The following HIVEP3 variants were observed in gnomAD, a reference collection of about 807,000 sequenced individuals.
HIVEP3 encodes the protein transcription factor HIVEP3.
In HIVEP3, 49 loss-of-function variants were observed where a neutral mutation model predicts 152.8. The observed-to-expected ratio is 0.32, with a 90% CI of 0.26 to 0.41. The LOEUF is 0.41. Ranked by LOEUF, HIVEP3 falls within the 10% of genes least tolerant of loss-of-function variation. HIVEP3 has a pLI of 1.00. For synonymous variants in HIVEP3, 1,269 were observed against 1,289.0 expected (o/e 0.98, Z 0.33); for missense variants, 2,790 against 3,103.3 (o/e 0.90, Z 2.40).
chr1:41,544,750 CCACCACCATCACCACCACT>C (rs1643642705), intron 5 of HIVEP3, among the ~76,000 whole-genome samples: 1 of 142,898 alleles, frequency 7.0e-6, no homozygotes, highest in African/African-American at 2.9e-5. Context: ...ACCACCACTA[CCACCACCATCACCACCACT>C]ACCACTACCT....
At chr1:41,759,563 T>C (rs902173912) in intron 1 of HIVEP3, among the ~76,000 whole-genome samples, 2 of 151,972 alleles carry the variant, frequency 1.3e-5, no homozygotes, top group Non-Finnish European at 2.9e-5. Context: ...GACCTAGGAG[T>C]GGAATTGCTG....
At chr1:41,631,738 C>T (rs1410909917) in intron 2 of HIVEP3, among the ~76,000 whole-genome samples, 1 of 152,140 alleles carries the variant, frequency 6.6e-6, no homozygotes, top group African/African-American at 2.4e-5. Context: ...GCCGTCCGAA[C>T]CAGCCCAATT....
At chr1:41,601,714 A>G (rs1644750298) in intron 3 of HIVEP3, among the ~76,000 whole-genome samples, 1 of 152,096 alleles carries the variant, frequency 6.6e-6, no homozygotes, top group African/African-American at 2.4e-5. Flanking sequence ...TTTCTGATTT[A>G]AATGTCTTTA....
chr1:41,995,896 A>T (rs1570878656), intron 1 of HIVEP3, among the ~76,000 whole-genome samples: 1 of 152,142 alleles, frequency 6.6e-6, no homozygotes, highest in East Asian at 1.9e-4. Flanking sequence ...GCCAAACCAC[A>T]CTTGCCTCTA....
intron 1 of HIVEP3, among the ~76,000 whole-genome samples, chr1:41,830,671 C>T (rs964858099): frequency 1.3e-5 from 2 of 152,222 alleles, no homozygotes; most frequent in Non-Finnish European, 2.9e-5. Context: ...GCCATTTCAG[C>T]TCCAGAACTC....
intron 1 of HIVEP3, among the ~76,000 whole-genome samples, chr1:41,730,523 C>A (rs576909491): frequency 1.4e-4 from 22 of 152,364 alleles, no homozygotes; most frequent in African/African-American, 5.3e-4. Flanking sequence ...CCAGGCCTGG[C>A]AATGCTGGGG....
intron 1 of HIVEP3, among the ~76,000 whole-genome samples, chr1:41,865,105 A>G (rs947815591): frequency 2.0e-5 from 3 of 152,180 alleles, no homozygotes; most frequent in African/African-American, 7.2e-5. Context: ...CATCTTCTCA[A>G]TGTAGACACT....
intron 1 of HIVEP3, among the ~76,000 whole-genome samples, chr1:41,949,072 G>A (rs1056266546): frequency 6.6e-6 from 1 of 152,144 alleles, no homozygotes; most frequent in African/African-American, 2.4e-5. Context: ...CATCAGGTGG[G>A]TAACTCCTCC....
intron 1 of HIVEP3, among the ~76,000 whole-genome samples, chr1:41,905,411 T>C (rs888248266): frequency 6.6e-6 from 1 of 152,184 alleles, no homozygotes; most frequent in East Asian, 1.9e-4. Flanking sequence ...ATGGAGACAG[T>C]TCCAGTGCCA....
chr1:42,005,521 A>G (rs1645454309), intron 1 of HIVEP3, among the ~76,000 whole-genome samples: 1 of 152,174 alleles, frequency 6.6e-6, no homozygotes, highest in African/African-American at 2.4e-5. Flanking sequence ...GCCTTCATTT[A>G]TTTTGTAAAG....
intron 1 of HIVEP3, among the ~76,000 whole-genome samples, chr1:41,809,944 C>T (rs996557932): frequency 2.6e-5 from 4 of 152,166 alleles, no homozygotes; most frequent in Non-Finnish European, 5.9e-5. Flanking sequence ...AGAGAAATAT[C>T]CAAACGACAT....
intron 1 of HIVEP3, among the ~76,000 whole-genome samples, chr1:41,710,708 A>T (rs995849992): frequency 1.3e-5 from 2 of 152,158 alleles, no homozygotes; most frequent in Non-Finnish European, 2.9e-5. Flanking sequence ...TCCCAAGGCC[A>T]AGCACCCACC....
intron 1 of HIVEP3, among the ~76,000 whole-genome samples, chr1:41,796,419 C>A (rs1223022319): frequency 6.6e-6 from 1 of 152,232 alleles, no homozygotes; most frequent in African/African-American, 2.4e-5. Context: ...GGCAGCCTTG[C>A]CCAGAGTTCA....
chr1:41,596,137 C>T (rs564702776), intron 3 of HIVEP3, among the ~76,000 whole-genome samples: 36 of 152,232 alleles, frequency 2.4e-4, no homozygotes, highest in African/African-American at 8.7e-4. Context: ...CACGTCCCCT[C>T]CTAGGCCCCA....
In HIVEP3 at chr1:41,581,089, C is replaced by A. The variant is rs1023141629; in HGVS notation, c.3709G>T (p.Gly1237Trp). ...TGGGATTGCAGAGGCAGGAAAAACC[C>A]AGAAGACAGTGCTGAGGAGGTCGGG... ...PYPTSSALSS[G>W]FFLPLQSQFA... The change falls in exon 4 of 9, where the codon GGG becomes TGG. Residue 1237 changes from glycine to tryptophan, a missense_variant. Physicochemically the swap from Gly to Trp is radical, Grantham distance 184. This residue lies in a region of HIVEP3 where 1,078 missense variants were observed against 1,165.3 expected (regional missense o/e 0.93). Coordinates refer to ENST00000372583, the MANE Select transcript of HIVEP3 (RefSeq NM_024503.5). This position sits in a 1 kb window ranked among gnomAD's most constrained non-coding sequence, Gnocchi z 4.5. The A allele has an allele frequency of 1.9e-6, 3 of 1,559,988 alleles. No individual in the cohort carries two copies. In the African/African-American group the frequency reaches 4.1e-5, roughly 21 times the overall value.
intron 5 of HIVEP3, among the ~76,000 whole-genome samples, chr1:41,555,564 C>T (rs1216424109): frequency 6.6e-6 from 1 of 152,204 alleles, no homozygotes; most frequent in African/African-American, 2.4e-5. Context: ...GCAGAAATCA[C>T]CCGTCTTCTG....
chr1:41,917,878 A>T (rs1644895072), intron 1 of HIVEP3, among the ~76,000 whole-genome samples: 1 of 152,202 alleles, frequency 6.6e-6, no homozygotes, highest in Non-Finnish European at 1.5e-5. Context: ...CTGTCTCAGC[A>T]GCCAGCATCA....
chr1:41,570,279 G>T (rs1165190959), intron 5 of HIVEP3, among the ~76,000 whole-genome samples: 2 of 152,202 alleles, frequency 1.3e-5, no homozygotes, highest in African/African-American at 4.8e-5. Flanking sequence ...GATAGGGTTT[G>T]TCTGTGTCCC....
chr1:41,809,971 G>A (rs890788366), intron 1 of HIVEP3, among the ~76,000 whole-genome samples: 16 of 152,296 alleles, frequency 1.1e-4, no homozygotes, highest in South Asian at 4.2e-4. Flanking sequence ...CTGATGAAGA[G>A]AACAGTGTAC....
Sources: allele counts gnomAD v4.1 joint callset (sites outside exome capture counted in the v4.1 genomes callset), GRCh38; gene constraint gnomAD v4.1.1; regional missense constraint gnomAD v4.1.1; non-coding constraint Gnocchi (gnomAD v3.1); transcripts MANE v1.5; gene names NCBI Gene and HGNC (gene_info 2026-07-23, HGNC 2026-07-21).